UBL7: variants seen among roughly 807,000 people sequenced by gnomAD.
UBL7 encodes ubiquitin like 7.
UBL7 carries 21 observed loss-of-function variants against 41.7 expected under a neutral mutation model. That is an observed-to-expected ratio of 0.50 (90% confidence interval 0.36 to 0.73). The LOEUF is 0.73. Among genes scored for constraint, UBL7 ranks in the 30% least tolerant of loss-of-function variants. UBL7 has a pLI of 0.00. For missense variants in UBL7, 403 were observed against 478.4 expected (o/e 0.84, Z 1.47); for synonymous variants, 157 against 186.9 (o/e 0.84, Z 1.31).
Position 74,451,485 on chromosome 15 carries a change from AT to A in UBL7, c.422del (p.Asp141ValfsTer56), listed in dbSNP as rs765383938. The A allele has an allele frequency of 6.2e-7, 1 of 1,614,136 alleles. No homozygotes were observed. Among genetic ancestry groups the A allele is most frequent in the East Asian group, 2.2e-5 (1 of 44,880 alleles). ...GGCCTGGGGTGGCCACAATGATCTG[AT>A]CCAGAGACTCCTTATTGCTGAGCAT... ...FKMLSNKESLDQIIVATPGLS... is the reference protein window; with the variant it reads ...FKMLSNKESLXQIIVATPGLS... On this transcript the variant is annotated frameshift_variant, in exon 5 of 11. Coordinates refer to ENST00000395081, the MANE Select transcript of UBL7 (RefSeq NM_032907.5). LOFTEE classifies it high-confidence loss of function.
chr15:74,449,149 G>C, intron 9 of UBL7, 37 bp downstream of exon 9: 1 of 1,512,186 alleles, frequency 6.6e-7, no homozygotes, highest in Middle Eastern at 2.5e-4. Context: ...TGTTCCTTGG[G>C]GGCCCAGCCT....
At chr15:74,460,682 A>G (rs969895930) in intron 1 of UBL7, 4 of 1,288,330 alleles carry the variant, frequency 3.1e-6, no homozygotes, top group Non-Finnish European at 4.0e-6. Context: ...CATACATGGA[A>G]CCCCAGAAAA....
At position 74,446,467 on chromosome 15, in the gene UBL7, A is replaced by C. The variant is rs1047202515; in HGVS notation, c.1006-240T>G. On this transcript the variant is annotated intron_variant, in intron 10 of 10. Coordinates refer to ENST00000395081, the MANE Select transcript of UBL7 (RefSeq NM_032907.5). This position sits in a 1 kb window ranked among gnomAD's most constrained non-coding sequence, Gnocchi z 4.1. ...TTCTTGGCATAAGGATCAAAAGAGAATGTACAAATTATTCACTGTCTGAAT... is the reference window on the plus strand; with the variant it reads ...TTCTTGGCATAAGGATCAAAAGAGACTGTACAAATTATTCACTGTCTGAAT... Among the ~76,000 whole-genome samples, 5 of 152,244 alleles carry C rather than the reference A, an allele frequency of 3.3e-5. No individual in the cohort carries two copies. Among genetic ancestry groups the C allele is most frequent in the African/African-American group, 1.2e-4 (5 of 41,458 alleles).
chr15:74,457,409 G>A (rs910810399), intron 2 of UBL7, among the ~76,000 whole-genome samples: 6 of 152,288 alleles, frequency 3.9e-5, no homozygotes, highest in Admixed American at 1.3e-4. Flanking sequence ...CAGGCATGGT[G>A]GCAGACGCCT....
At chr15:74,455,373 C>T (rs1358399339) in intron 3 of UBL7, among the ~76,000 whole-genome samples, 1 of 152,072 alleles carries the variant, frequency 6.6e-6, no homozygotes, top group African/African-American at 2.4e-5. Context: ...ATTTATAAAC[C>T]AAAAAGGCAT....
intron 8 of UBL7, 94 bp downstream of exon 8, chr15:74,449,532 C>G: frequency 6.3e-7 from 1 of 1,597,354 alleles, no homozygotes; most frequent in East Asian, 2.2e-5. Flanking sequence ...GTCCATCTCC[C>G]AGCCTTGGGA....
intron 10 of UBL7, among the ~76,000 whole-genome samples, chr15:74,447,643 G>A (rs1178974781): frequency 6.6e-6 from 1 of 152,112 alleles, no homozygotes; most frequent in South Asian, 2.1e-4. Context: ...GGAAGTTGAG[G>A]CTACAGTAAG....
rs531347351 is a variant in UBL7 at position 74,449,667 on chromosome 15, G to C, written c.673C>G (p.Leu225Val). The C allele has an allele frequency of 1.2e-6, 2 of 1,614,140 alleles. No individual in the cohort carries two copies. Among genetic ancestry groups the C allele is most frequent in the Admixed American group, 3.3e-5 (2 of 60,014 alleles). Residue 225 changes from leucine (L) to valine (V), a missense_variant, in exon 8 of 11, where the codon CTG (leucine) becomes GTG (valine). By Grantham distance (32) the Leu-to-Val change is conservative (BLOSUM62 1). Coordinates refer to ENST00000395081, the MANE Select transcript of UBL7 (RefSeq NM_032907.5). ...SSYRDMPGGF[L>V]FEGLSDDEDD... ...TCATCATCTGAGAGCCCTTCAAACAGGAAGCCACCTGGAGGAGGACGAACA... is the reference window on the plus strand; with the variant it reads ...TCATCATCTGAGAGCCCTTCAAACACGAAGCCACCTGGAGGAGGACGAACA...
rs1284607676 is a variant in UBL7, at chr15:74,449,251, C to G, written c.817G>C (p.Ala273Pro). ...GTGCTGGCCAGGGCCAAGGCGGTGG[C>G]CAGCTCACTCTGGGTGATGGGCCGG... ...GPRPITQSELATALALASTPE... is the reference protein window; with the variant it reads ...GPRPITQSELPTALALASTPE... Residue 273 changes from alanine to proline, a missense_variant, in exon 9 of 11, where the codon GCC becomes CCC. Coordinates refer to ENST00000395081, the MANE Select transcript of UBL7 (RefSeq NM_032907.5). The G allele has an allele frequency of 6.2e-7, 1 of 1,610,364 alleles. No individual in the cohort carries two copies. Among genetic ancestry groups the G allele is most frequent in the Non-Finnish European group, 8.5e-7 (1 of 1,178,682 alleles).
chr15:74,460,773 A>G, intron 1 of UBL7: 1 of 1,277,478 alleles, frequency 7.8e-7, no homozygotes, highest in Non-Finnish European at 1.0e-6. Context: ...GCTTCCAAAG[A>G]GACCTCTGAT....
intron 1 of UBL7, among the ~76,000 whole-genome samples, chr15:74,459,323 C>T (rs2061324585): frequency 6.8e-6 from 1 of 146,710 alleles, no homozygotes; most frequent in Admixed American, 6.8e-5. Flanking sequence ...TTTTTTGAGA[C>T]GGAGTCTCGC....
intron 1 of UBL7, chr15:74,460,691 A>T: frequency 7.8e-7 from 1 of 1,289,074 alleles, no homozygotes; most frequent in Non-Finnish European, 1.0e-6. Context: ...AACCCCAGAA[A>T]ATAAATCAGA....
At chr15:74,450,176 C>T in intron 6 of UBL7, 107 bp from the exon 7 acceptor site, 1 of 1,322,696 alleles carries the variant, frequency 7.6e-7, no homozygotes, top group Non-Finnish European at 1.0e-6. Context: ...CCTGTGCCTG[C>T]TCTCAAATTC....
intron 1 of UBL7, among the ~76,000 whole-genome samples, chr15:74,459,339 T>TACA (rs1408779640): frequency 1.3e-5 from 2 of 151,282 alleles, no homozygotes; most frequent in African/African-American, 4.9e-5. Context: ...CTCGCTCTGT[T>TACA]GCCCAGGCTG....
Position 74,449,280 on chromosome 15 carries a change from C to G in UBL7, c.788G>C (p.Gly263Ala). The change falls in exon 9 of 11, where the codon GGG becomes GCG. Residue 263 changes from glycine (G) to alanine (A), a missense_variant. By Grantham distance (60) the Gly-to-Ala change is moderately conservative. Coordinates refer to ENST00000395081, the MANE Select transcript of UBL7 (RefSeq NM_032907.5). The part of the protein sequence containing the change: ...PASLGYSGAA[G>A]PRPITQSELA... Reference sequence around the variant, plus strand: ...CTCACTCTGGGTGATGGGCCGGGGCCCAGCAGCTCCACTGTACCCCAGGGA... The same window carrying G: ...CTCACTCTGGGTGATGGGCCGGGGCGCAGCAGCTCCACTGTACCCCAGGGA... The G allele has an allele frequency of 6.2e-7, 1 of 1,613,486 alleles. No homozygotes were observed.
intron 6 of UBL7, among the ~76,000 whole-genome samples, chr15:74,450,462 G>A (rs2061232996): frequency 6.6e-6 from 1 of 152,156 alleles, no homozygotes; most frequent in Non-Finnish European, 1.5e-5. Flanking sequence ...GCAAAATGAG[G>A]ACATGTCCCT....
In UBL7 at chr15:74,450,971, C is replaced by T. The variant is rs772698763; in HGVS notation, c.473-112G>A. The T allele has an allele frequency of 1.7e-5, 19 of 1,101,466 alleles. No individual in the cohort carries two copies. The Admixed American group carries it at 3.2e-4, about 18-fold the overall frequency. 68.2% of individuals were successfully genotyped at this position (1,101,466 alleles called of 1,614,324 possible). ...TCAACAGGGACACAGGACAACAAGC[C>T]AATCTTCATGAGAAGTAGAGGAAGC... On this transcript the variant is annotated intron_variant, in intron 5 of 10. Coordinates refer to ENST00000395081, the MANE Select transcript of UBL7 (RefSeq NM_032907.5).
chr15:74,458,961 CA>C, intron 1 of UBL7, 65 bp from the exon 2 acceptor site: 1 of 1,485,314 alleles, frequency 6.7e-7, no homozygotes, highest in East Asian at 2.3e-5. Context: ...CCCCACCCAC[CA>C]AAGGGTTGAA....
chr15:74,448,524 T>C lies in UBL7; in HGVS notation c.959A>G (p.Gln320Arg). 6.2e-7 allele frequency: 1 copy of C among 1,614,188 alleles called. No homozygotes were observed. The highest frequency in any genetic ancestry group is 2.2e-5 in the East Asian group (1 of 44,890). The change falls in exon 10 of 11, where the codon CAA becomes CGA. Residue 320 changes from glutamine (Q) to arginine (R), a missense_variant. Gln to Arg is a conservative substitution (Grantham distance 43, BLOSUM62 1). Coordinates refer to ENST00000395081, the MANE Select transcript of UBL7 (RefSeq NM_032907.5). The part of the protein sequence containing the change: ...GTPITNDLFS[Q>R]ALQHALQASG... ...GGCCTGAAGGGCATGCTGTAGGGCTTGGCTGAAGAGATCATTGGTGATGGG... is the reference window on the plus strand; with the variant it reads ...GGCCTGAAGGGCATGCTGTAGGGCTCGGCTGAAGAGATCATTGGTGATGGG...
Sources: gnomAD v4.1 joint callset for allele counts (sites outside exome capture counted in the v4.1 genomes callset) on GRCh38, gnomAD v4.1.1 for gene constraint, Gnocchi (gnomAD v3.1) non-coding constraint, MANE v1.5 for transcripts, NCBI Gene and HGNC (gene_info 2026-07-23, HGNC 2026-07-21) for gene names.